Variants in ADAMTS18 observed in about 807,000 individuals in gnomAD.
ADAMTS18 encodes A disintegrin and metalloproteinase with thrombospondin motifs 18.
In ADAMTS18, 157 loss-of-function variants were observed where a neutral mutation model predicts 165.9. That is an observed-to-expected ratio of 0.95 (90% CI 0.83 to 1.08). The LOEUF is 1.08. Among genes scored for constraint, ADAMTS18 ranks in the 50% least tolerant of loss-of-function variants. ADAMTS18 has a pLI of 0.00. For missense variants in ADAMTS18, 2,040 were observed against 1,534.0 expected (o/e 1.33, Z -5.51); for synonymous variants, 782 against 578.2 (o/e 1.35, Z -5.06).
intron 17 of ADAMTS18, 72 bp downstream of exon 17, chr16:77,300,191 A>T: frequency 6.3e-7 from 1 of 1,577,556 alleles, no homozygotes; most frequent in Non-Finnish European, 8.7e-7. Context: ...ATATTATGTT[A>T]AAGACGCCTG....
At chr16:77,356,117 C>T (rs949821987) in intron 8 of ADAMTS18, 40 bp from the exon 9 acceptor site, 2 of 1,613,666 alleles carry the variant, frequency 1.2e-6, no homozygotes, top group Admixed American at 1.7e-5. Context: ...GCTTTGTGAA[C>T]CCATTTTTTT....
At chr16:77,411,753 C>G (rs146202578) in intron 3 of ADAMTS18, among the ~76,000 whole-genome samples, 2 of 129,922 alleles carry the variant, frequency 1.5e-5, no homozygotes, top group African/African-American at 5.8e-5. Context: ...GTGGCGCAAT[C>G]TTGGCTCACT....
Position 77,282,176 on chromosome 16 carries a change from TA to T in ADAMTS18, c.*1779del, listed in dbSNP as rs1326714221. 1 of 152,174 alleles carries T rather than the reference TA, an allele frequency of 6.6e-6. No homozygotes were observed. Among genetic ancestry groups the T allele is most frequent in the African/African-American group, 2.4e-5 (1 of 41,454 alleles). The allele number at this position is 152,174 out of a possible 1,614,324, so 9.4% of individuals were successfully genotyped here. A position where few individuals can be genotyped will look rare whatever the true frequency, so the allele number is the denominator to read the frequency against. ...TTTATTATAAAACTTATAAAATAAT[TA>T]AATATTACACATATATTTTGACTTT... On this transcript the variant is annotated 3_prime_UTR_variant, in exon 23 of 23. Coordinates refer to ENST00000282849, the MANE Select transcript of ADAMTS18 (RefSeq NM_199355.4).
intron 3 of ADAMTS18, among the ~76,000 whole-genome samples, chr16:77,409,908 CCTG>C (rs999302603): frequency 6.6e-6 from 1 of 152,032 alleles, no homozygotes; most frequent in Admixed American, 6.6e-5. Context: ...TTCCATACCT[CCTG>C]CTAATATTAC....
At position 77,325,872 on chromosome 16, in the gene ADAMTS18, C is replaced by G; in HGVS notation, c.2026G>C (p.Val676Leu). The G allele has an allele frequency of 6.2e-7, 1 of 1,613,594 alleles. No homozygotes were observed. Among genetic ancestry groups the G allele is most frequent in the Non-Finnish European group, 8.5e-7 (1 of 1,179,714 alleles). Residue 676 changes from valine to leucine, a missense_variant, in exon 13 of 23, where the codon GTG (valine) becomes CTG (leucine). Val to Leu is a conservative substitution (Grantham distance 32). Transcript: ENST00000282849. ...GTCATAGAGACCAAATTACCTTCCA[C>G]TTTTGTATAGGGTTTCCACTGGTAG... ...WFYQWKPYTK[V>L]EEEDRCKLYC...
chr16:77,386,172 C>T (rs1446373869), intron 3 of ADAMTS18, among the ~76,000 whole-genome samples: 1 of 152,160 alleles, frequency 6.6e-6, no homozygotes, highest in African/African-American at 2.4e-5. Context: ...CCCTGGACAG[C>T]CTCGTGTACA....
At position 77,322,378 on chromosome 16, in the gene ADAMTS18, G is replaced by T; in HGVS notation, c.2121C>A (p.Cys707Ter). 6.2e-7 allele frequency: 1 copy of T among 1,613,936 alleles called. No homozygotes were observed. The highest frequency in any genetic ancestry group is 8.5e-7 in the Non-Finnish European group (1 of 1,179,960). ...TACAAACATCATTTTTGTTTGGGGA[G>T]CAGGGAGTTCCATCTTTCACTTTGC... ...MSGKVKDGTPCSPNKNDVCID... is the reference protein window; with the variant it reads ...MSGKVKDGTP The change falls in exon 14 of 23, where the codon TGC (cysteine) becomes TGA (stop). Residue 707 changes from cysteine (C) to a stop codon, truncating the protein, a stop_gained. Coordinates refer to ENST00000282849, the MANE Select transcript of ADAMTS18 (RefSeq NM_199355.4). LOFTEE classifies it high-confidence loss of function.
intron 16 of ADAMTS18, among the ~76,000 whole-genome samples, chr16:77,313,195 C>CA (rs1440593575): frequency 3.3e-5 from 5 of 151,258 alleles, no homozygotes; most frequent in African/African-American, 7.3e-5. Context: ...ATCACAAGGA[C>CA]AAAAAATCAA....
rs544101147 is a variant in ADAMTS18, at chr16:77,283,909, T to G, written c.*47A>C. The stretch of plus-strand genomic sequence containing the variant: ...CAAAGGCAGCTGGTCTCTCTAGAGG[T>G]TGAAAGGTAAGCCCCTGGCCCTAAG... On this transcript the variant is annotated 3_prime_UTR_variant, in exon 23 of 23. Coordinates refer to ENST00000282849, the MANE Select transcript of ADAMTS18 (RefSeq NM_199355.4). The G allele has an allele frequency of 6.9e-7, 1 of 1,452,994 alleles. No homozygotes were observed. The highest frequency in any genetic ancestry group is 1.1e-5 in the South Asian group (1 of 87,774). The allele number at this position is 1,452,994 out of a possible 1,614,324, so 90.0% of individuals were successfully genotyped here.
At chr16:77,426,063 G>A (rs1412706736) in intron 3 of ADAMTS18, among the ~76,000 whole-genome samples, 3 of 151,456 alleles carry the variant, frequency 2.0e-5, no homozygotes, top group Admixed American at 6.6e-5. Flanking sequence ...AAACAGAAAC[G>A]GGGAGTTGGT....
At chr16:77,297,596 T>A (rs938107787) in intron 17 of ADAMTS18, among the ~76,000 whole-genome samples, 181 bp from the exon 18 acceptor site, 2 of 151,712 alleles carry the variant, frequency 1.3e-5, no homozygotes, top group African/African-American at 4.9e-5. Context: ...TTCCCCTCCC[T>A]AAAATAATAT....
chr16:77,398,595 C>T (rs1039639023), intron 3 of ADAMTS18, among the ~76,000 whole-genome samples: 11 of 152,142 alleles, frequency 7.2e-5, no homozygotes, highest in Non-Finnish European at 1.3e-4. Context: ...TTCTCAGTCT[C>T]TGCACTGTTG....
At chr16:77,409,422 C>T (rs1447177525) in intron 3 of ADAMTS18, among the ~76,000 whole-genome samples, 1 of 152,090 alleles carries the variant, frequency 6.6e-6, no homozygotes, top group Non-Finnish European at 1.5e-5. Context: ...TAGCATTTAA[C>T]TGGGGACTGG....
intron 3 of ADAMTS18, among the ~76,000 whole-genome samples, chr16:77,379,538 G>A (rs184120775): frequency 6.6e-6 from 1 of 152,176 alleles, no homozygotes; most frequent in East Asian, 1.9e-4. Flanking sequence ...ACCCAGGCTG[G>A]AGTACAGTGG....
At chr16:77,338,935 C>T (rs1335325066) in intron 11 of ADAMTS18, among the ~76,000 whole-genome samples, 5 of 130,872 alleles carry the variant, frequency 3.8e-5, no homozygotes, top group Admixed American at 1.8e-4. Flanking sequence ...GCCTGGGCGA[C>T]AGAGCAAGAC....
At chr16:77,333,119 T>C (rs2056217262) in intron 12 of ADAMTS18, among the ~76,000 whole-genome samples, 1 of 152,024 alleles carries the variant, frequency 6.6e-6, no homozygotes, top group Non-Finnish European at 1.5e-5. Context: ...TAGCTCAGAG[T>C]CTTACTGGAT....
At chr16:77,427,417 C>T (rs1476878428) in intron 3 of ADAMTS18, among the ~76,000 whole-genome samples, 1 of 152,108 alleles carries the variant, frequency 6.6e-6, no homozygotes, top group East Asian at 1.9e-4. Flanking sequence ...GAGTCTCCAC[C>T]AATGTCATGG....
intron 3 of ADAMTS18, among the ~76,000 whole-genome samples, chr16:77,376,533 G>C (rs1567524437): frequency 6.6e-6 from 1 of 152,138 alleles, no homozygotes; most frequent in African/African-American, 2.4e-5. Context: ...GAGTCAAGCC[G>C]AGGGAAAGGA....
At chr16:77,395,723 G>A (rs756991905) in intron 3 of ADAMTS18, among the ~76,000 whole-genome samples, 1 of 151,884 alleles carries the variant, frequency 6.6e-6, no homozygotes, top group East Asian at 1.9e-4. Flanking sequence ...TATCTCTAGC[G>A]CCTGCCCTGA....
Sources: allele counts gnomAD v4.1 joint callset (sites outside exome capture counted in the v4.1 genomes callset), GRCh38; gene constraint gnomAD v4.1.1; transcripts MANE v1.5; gene names NCBI Gene and HGNC (gene_info 2026-07-23, HGNC 2026-07-21).